Variants in ASB15 observed in about 807,000 individuals in gnomAD.
ASB15 encodes the protein ankyrin repeat and SOCS box protein 15.
A neutral mutation model predicts 58.0 loss-of-function variants in ASB15; 54 were observed. The ratio of observed to expected loss-of-function variants is 0.93; its 90% CI spans 0.75 to 1.17. The LOEUF is 1.17. Ranked by LOEUF, ASB15 falls within the 50% of genes most tolerant of loss-of-function variation. ASB15 has a pLI of 0.00. For missense variants in ASB15, 680 were observed against 707.4 expected (o/e 0.96, Z 0.44); for synonymous variants, 249 against 262.4 (o/e 0.95, Z 0.50).
In ASB15 at chr7:123,621,913, G is replaced by A. The variant is rs1324372646; in HGVS notation, c.452-2656G>A. The stretch of plus-strand genomic sequence containing the variant: ...CCTGGCCAGTGGAGCCCAGAGTAAG[G>A]AGGACGCTCAGGGACCATCTGGCAT... On this transcript the variant is annotated intron_variant, in intron 7 of 11. Coordinates refer to ENST00000451215, the MANE Select transcript of ASB15 (RefSeq NM_001290258.2). Among the ~76,000 whole-genome samples the A allele has an allele frequency of 2.0e-5, 3 of 152,198 alleles. No individual in the cohort carries two copies. The East Asian group carries it at 5.8e-4, about 29-fold the overall frequency.
Position 123,624,630 on chromosome 7 carries a change from C to T in ASB15, c.513C>T (p.Asp171=). Reference sequence around the variant, plus strand: ...TGATCAAACATAACACTAGCCTAGACCAGCCCTGTGTCAAGCGATGGTCAG... The same window carrying T: ...TGATCAAACATAACACTAGCCTAGATCAGCCCTGTGTCAAGCGATGGTCAG... ...STLIKHNTSL[D]QPCVKRWSAM... The change falls in exon 8 of 12, where the codon GAC becomes GAT. Residue 171 remains aspartate (D), a synonymous_variant. Transcript: ENST00000451215. The T allele has an allele frequency of 6.2e-7, 1 of 1,613,954 alleles. No homozygotes were observed. Among genetic ancestry groups the T allele is most frequent in the Non-Finnish European group, 8.5e-7 (1 of 1,179,850 alleles).
At chr7:123,574,738 G>T (rs1015962947) in intron 1 of ASB15, among the ~76,000 whole-genome samples, 2 of 151,832 alleles carry the variant, frequency 1.3e-5, no homozygotes, top group African/African-American at 4.8e-5. Flanking sequence ...TTGTTCAAAA[G>T]ATCTTACATC....
chr7:123,584,954 C>T lies in ASB15; in HGVS notation c.-443+17866C>T, dbSNP rs568583521. On this transcript the variant is annotated intron_variant, in intron 1 of 13. Transcript: ENST00000451558. ...TTCCCAAAGGGATCTTTTCTTAGTG[C>T]ACTTACAGTCACAATTCCATTTTGA... 3 of 151,894 alleles carry T rather than the reference C, an allele frequency of 2.0e-5. No homozygotes were observed. The South Asian group carries it at 6.2e-4, about 31-fold the overall frequency. 9.4% of individuals were successfully genotyped at this position (151,894 alleles called of 1,614,324 possible). A position where few individuals can be genotyped will look rare whatever the true frequency, so the allele number is the denominator to read the frequency against.
At chr7:123,594,580 A>G (rs1799640779) in intron 1 of ASB15, among the ~76,000 whole-genome samples, 1 of 152,174 alleles carries the variant, frequency 6.6e-6, no homozygotes, top group African/African-American at 2.4e-5. Context: ...GGTCCACTCC[A>G]GACCCTGTTT....
At chr7:123,573,509 G>A (rs1001796181) in intron 1 of ASB15, among the ~76,000 whole-genome samples, 14 of 152,044 alleles carry the variant, frequency 9.2e-5, no homozygotes, top group South Asian at 4.2e-4. Flanking sequence ...GAAGCAGCTC[G>A]GCTGGTGTGC....
chr7:123,634,158 C>T lies in ASB15; in HGVS notation c.1595-2651C>T, dbSNP rs150283529. Among the ~76,000 whole-genome samples the T allele has an allele frequency of 6.4e-4, 97 of 152,158 alleles. 2 individuals are homozygous for T. In the East Asian group the frequency reaches 0.017, roughly 26 times the overall value. On this transcript the variant is annotated intron_variant, in intron 11 of 11. Coordinates refer to ENST00000451215, the MANE Select transcript of ASB15 (RefSeq NM_001290258.2). ...TCATCCCATCACCTAGGTATTAAGT[C>T]CAGCATCCATTAGCTATTCTTCCTG...
upstream of ASB15, among the ~76,000 whole-genome samples, chr7:123,601,381 A>G (rs1342117420): frequency 2.0e-5 from 3 of 152,188 alleles, no homozygotes; most frequent in Non-Finnish European, 4.4e-5. Flanking sequence ...GCAATTATTA[A>G]ACAAAAATCA....
intron 11 of ASB15, among the ~76,000 whole-genome samples, chr7:123,630,423 G>A (rs1802060300): frequency 6.6e-6 from 1 of 152,094 alleles, no homozygotes; most frequent in African/African-American, 2.4e-5. Flanking sequence ...GCTCCATGTG[G>A]GTAGAGATCT....
At chr7:123,591,739 G>C (rs1173103448) in intron 1 of ASB15, among the ~76,000 whole-genome samples, 1 of 152,162 alleles carries the variant, frequency 6.6e-6, no homozygotes, top group Admixed American at 6.6e-5. Flanking sequence ...ATGTTCATCA[G>C]GGATATTGGC....
At chr7:123,611,982 G>A (rs1461454311) in intron 3 of ASB15, among the ~76,000 whole-genome samples, 5 of 151,582 alleles carry the variant, frequency 3.3e-5, no homozygotes, top group Non-Finnish European at 5.9e-5. Context: ...AAAAAAAAAC[G>A]TTAAAATAAA....
At chr7:123,583,352 G>A (rs1799287408) in intron 1 of ASB15, among the ~76,000 whole-genome samples, 1 of 151,918 alleles carries the variant, frequency 6.6e-6, no homozygotes, top group African/African-American at 2.4e-5. Context: ...ATGGGAAGTG[G>A]GAACTAACGG....
At chr7:123,627,760 A>G (rs1421584784) in intron 9 of ASB15, among the ~76,000 whole-genome samples, 1 of 152,216 alleles carries the variant, frequency 6.6e-6, no homozygotes, top group African/African-American at 2.4e-5. Flanking sequence ...ATAATTTTTT[A>G]TTCCATACGA....
chr7:123,568,328 C>T (rs1489197779), intron 1 of ASB15, among the ~76,000 whole-genome samples: 5 of 151,490 alleles, frequency 3.3e-5, no homozygotes, highest in Non-Finnish European at 7.4e-5. Flanking sequence ...GCCTGACCAA[C>T]GTGGAGAAAC....
At chr7:123,602,436 T>TTTTTCAGG (rs1562920739) in intron 1 of ASB15, among the ~76,000 whole-genome samples, 6 of 152,150 alleles carry the variant, frequency 3.9e-5, no homozygotes, top group African/African-American at 1.4e-4. Flanking sequence ...TCACAAAATC[T>TTTTTCAGG]AAAGGTTGGA....
intron 1 of ASB15, among the ~76,000 whole-genome samples, chr7:123,579,844 A>G (rs1018176701): frequency 3.9e-5 from 6 of 152,116 alleles, no homozygotes; most frequent in Admixed American, 2.6e-4. Flanking sequence ...AAGTGAGAAC[A>G]TAAAGCATAT....
intron 1 of ASB15, among the ~76,000 whole-genome samples, chr7:123,583,838 G>C (rs1240988574): frequency 6.6e-6 from 1 of 151,908 alleles, no homozygotes; most frequent in Non-Finnish European, 1.5e-5. Context: ...CAGTTAGTGA[G>C]ATGATTCCAC....
intron 1 of ASB15, among the ~76,000 whole-genome samples, chr7:123,587,600 G>A (rs1364367646): frequency 6.6e-6 from 1 of 151,618 alleles, no homozygotes; most frequent in African/African-American, 2.4e-5. Flanking sequence ...AGTGACGAGA[G>A]AAGGCTTCCT....
intron 2 of ASB15, among the ~76,000 whole-genome samples, chr7:123,607,153 A>G (rs1331453327): frequency 1.3e-5 from 2 of 152,260 alleles, no homozygotes; most frequent in Non-Finnish European, 2.9e-5. Context: ...CAAGTTGTAC[A>G]TGGTAAATAC....
chr7:123,608,148 A>T (rs1296215088), intron 2 of ASB15, among the ~76,000 whole-genome samples: 2 of 151,982 alleles, frequency 1.3e-5, no homozygotes, highest in Non-Finnish European at 2.9e-5. Context: ...TTTCATTAAA[A>T]TTTTTTACTT....
Sources: gnomAD v4.1 joint callset for allele counts (sites outside exome capture counted in the v4.1 genomes callset) on GRCh38, gnomAD v4.1.1 for gene constraint, MANE v1.5 for transcripts, NCBI Gene and HGNC (gene_info 2026-07-23, HGNC 2026-07-21) for gene names.